NDST1: variants seen among roughly 807,000 people sequenced by gnomAD.
The protein encoded by NDST1 is N-deacetylase and N-sulfotransferase 1.
In NDST1, 35 loss-of-function variants were observed where a neutral mutation model predicts 92.8. The ratio of observed to expected loss-of-function variants is 0.38; its 90% CI spans 0.29 to 0.50. The LOEUF (loss-of-function observed/expected upper bound fraction) is 0.50, where lower values mean the gene tolerates loss of function less well. Among genes scored for constraint, NDST1 ranks in the 20% least tolerant of loss-of-function variants. NDST1 has a pLI of 0.94. For synonymous variants in NDST1, 493 were observed against 500.3 expected (o/e 0.99, Z 0.19); for missense variants, 822 against 1,182.7 (o/e 0.69, Z 4.47).
chr5:150,548,532 T>G (rs770183537), intron 12 of NDST1, 144 bp downstream of exon 12: 4 of 828,198 alleles, frequency 4.8e-6, no homozygotes, highest in Non-Finnish European at 5.6e-6. Flanking sequence ...ATAAAAAGAT[T>G]TTATTATTAT....
In NDST1 at chr5:150,552,189, C is replaced by T. The variant is rs113227226; in HGVS notation, c.2529+334C>T. 1.4e-4 allele frequency among the ~76,000 whole-genome samples: 21 copies of T among 152,122 alleles called. No homozygotes were observed. In the South Asian group the frequency reaches 1.5e-3, roughly 11 times the overall value. On this transcript the variant is annotated intron_variant, in intron 14 of 14. Coordinates refer to ENST00000261797, the MANE Select transcript of NDST1 (RefSeq NM_001543.5). ...AGTAGAATACAGGCAGAGAGTGCTG[C>T]GCGCAGTCAGAGAGGGCACACAAGT...
intron 11 of NDST1, among the ~76,000 whole-genome samples, chr5:150,545,741 CAA>C (rs1037614301): frequency 6.6e-6 from 1 of 152,222 alleles, no homozygotes; most frequent in African/African-American, 2.4e-5. Flanking sequence ...CTGACACTGA[CAA>C]GAGGTGGAGG....
chr5:150,540,185 G>A lies in NDST1; in HGVS notation c.1670G>A (p.Arg557Gln), dbSNP rs777533122. 3.1e-6 allele frequency: 5 copies of A among 1,614,178 alleles called. No homozygotes were observed. Among genetic ancestry groups the A allele is most frequent in the South Asian group, 1.1e-5 (1 of 91,084 alleles). ...TTCCTGCACTCCTGGACGAACCTCC[G>A]GCTGCAGACACTGCCCCCTGTGCAG... ...VRFLHSWTNL[R>Q]LQTLPPVQLA... Residue 557 changes from arginine (R) to glutamine (Q), a missense_variant, in exon 8 of 15, where the codon CGG (arginine) becomes CAG (glutamine). Coordinates refer to ENST00000261797, the MANE Select transcript of NDST1 (RefSeq NM_001543.5).
chr5:150,539,377 G>A, intron 7 of NDST1, 21 bp downstream of exon 7: 1 of 1,613,758 alleles, frequency 6.2e-7, no homozygotes, highest in Non-Finnish European at 8.5e-7. Context: ...CACAGCCCAT[G>A]GCTGCTGGTG....
chr5:150,553,299 T>G lies in NDST1; in HGVS notation c.2616T>G (p.Thr872=), dbSNP rs564391926. 3.3e-5 allele frequency: 53 copies of G among 1,613,626 alleles called. No individual in the cohort carries two copies. Among genetic ancestry groups the G allele is most frequent in the Non-Finnish European group, 4.5e-5 (53 of 1,179,752 alleles). ...LLYKMGQTLP[T]WLREDLQNTR Reference sequence around the variant, plus strand: ...ATAAGATGGGCCAGACACTTCCCACTTGGCTACGAGAGGACCTCCAGAACA... The same window carrying G: ...ATAAGATGGGCCAGACACTTCCCACGTGGCTACGAGAGGACCTCCAGAACA... Residue 872 remains threonine (T), a synonymous_variant, in exon 15 of 15, where the codon ACT becomes ACG. Transcript: ENST00000261797. The surrounding 1 kb of genome is among the most constrained non-coding windows in gnomAD (Gnocchi z 4.2).
chr5:150,529,210 A>AAGGAG (rs1754607337), intron 3 of NDST1, among the ~76,000 whole-genome samples: 1 of 151,894 alleles, frequency 6.6e-6, no homozygotes, highest in Non-Finnish European at 1.5e-5. Flanking sequence ...TGAGCAACAT[A>AAGGAG]AGGAGACCTT....
At chr5:150,523,164 G>C (rs928376359) in intron 2 of NDST1, among the ~76,000 whole-genome samples, 2 of 152,360 alleles carry the variant, frequency 1.3e-5, no homozygotes, top group Non-Finnish European at 2.9e-5. Flanking sequence ...AGAGCAACCA[G>C]TGAGATTTGT....
At position 150,553,605 on chromosome 5, in the gene NDST1, AG is replaced by A. The variant is rs1755808848; in HGVS notation, c.*276del. On this transcript the variant is annotated 3_prime_UTR_variant, in exon 15 of 15. Transcript: ENST00000261797. This position sits in a 1 kb window ranked among gnomAD's most constrained non-coding sequence, Gnocchi z 4.2. Reference sequence around the variant, plus strand: ...CCTGGGGAGGCCGCTTCCTGGTAGGAGGGAGTCCACGAGACTCTTTTCTGTC... The same window carrying A: ...CCTGGGGAGGCCGCTTCCTGGTAGGAGGAGTCCACGAGACTCTTTTCTGTC... 1 of 461,842 alleles carries A rather than the reference AG, an allele frequency of 2.2e-6. No individual in the cohort carries two copies. The highest frequency in any genetic ancestry group is 4.1e-6 in the Non-Finnish European group (1 of 246,344). 28.6% of individuals were successfully genotyped at this position (461,842 alleles called of 1,614,324 possible). A position where few individuals can be genotyped will look rare whatever the true frequency, so the allele number is the denominator to read the frequency against.
At chr5:150,550,369 T>C (rs111842092) in intron 13 of NDST1, 247 of 157,464 alleles carry the variant, frequency 1.6e-3, no homozygotes, top group African/African-American at 5.2e-3. Context: ...ATTACAGGCA[T>C]GAGGCACCGC....
At chr5:150,533,510 G>A (rs1051175981) in intron 4 of NDST1, among the ~76,000 whole-genome samples, 13 of 152,040 alleles carry the variant, frequency 8.6e-5, no homozygotes, top group African/African-American at 2.2e-4. Context: ...TGCTTGGTGC[G>A]CACTTTCCTT....
chr5:150,553,343 C>T lies in NDST1; in HGVS notation c.*11C>T. The T allele has an allele frequency of 6.2e-7, 1 of 1,612,054 alleles. No homozygotes were observed. The highest frequency in any genetic ancestry group is 1.1e-5 in the South Asian group (1 of 91,038). Reference sequence around the variant, plus strand: ...CAGAACACCAGGTAGCCGTGGCCACCACAGCCAGACTGAACGTTTGTGAAA... The same window carrying T: ...CAGAACACCAGGTAGCCGTGGCCACTACAGCCAGACTGAACGTTTGTGAAA... On this transcript the variant is annotated 3_prime_UTR_variant, in exon 15 of 15. Transcript: ENST00000261797. This position sits in a 1 kb window ranked among gnomAD's most constrained non-coding sequence, Gnocchi z 4.2.
At chr5:150,501,898 C>T (rs1404811382) in intron 1 of NDST1, among the ~76,000 whole-genome samples, 2 of 152,096 alleles carry the variant, frequency 1.3e-5, no homozygotes, top group African/African-American at 4.8e-5. Context: ...TGGTGAGGGG[C>T]AGTAGACTCC....
At chr5:150,529,390 CAAAAAAAAAA>C (rs11418788) in intron 3 of NDST1, among the ~76,000 whole-genome samples, 1 of 65,172 alleles carries the variant, frequency 1.5e-5, no homozygotes, top group African/African-American at 5.9e-5. Context: ...GACCCTGTCT[CAAAAAAAAAA>C]AAAAAAAAAA....
chr5:150,519,435 T>C (rs2151267022), intron 1 of NDST1, among the ~76,000 whole-genome samples: 1 of 152,066 alleles, frequency 6.6e-6, no homozygotes, highest in East Asian at 1.9e-4. Context: ...GGGCCAGGCG[T>C]GGTGGTTCAT....
rs2151307972 is a variant in NDST1, at chr5:150,553,699, C to T, written c.*367C>T. On this transcript the variant is annotated 3_prime_UTR_variant, in exon 15 of 15. Coordinates refer to ENST00000261797, the MANE Select transcript of NDST1 (RefSeq NM_001543.5). This position sits in a 1 kb window ranked among gnomAD's most constrained non-coding sequence, Gnocchi z 4.2. ...CTCCCTGCTTCCGCAGGGCGCCCCTCAGTATTCGCTGCCATATGTCCCTGT... is the reference window on the plus strand; with the variant it reads ...CTCCCTGCTTCCGCAGGGCGCCCCTTAGTATTCGCTGCCATATGTCCCTGT... 2.4e-6 allele frequency: 1 copy of T among 415,010 alleles called. No homozygotes were observed. Among genetic ancestry groups the T allele is most frequent in the South Asian group, 2.1e-5 (1 of 47,080 alleles). 25.7% of individuals were successfully genotyped at this position (415,010 alleles called of 1,614,324 possible). A position where few individuals can be genotyped will look rare whatever the true frequency, so the allele number is the denominator to read the frequency against.
intron 3 of NDST1, 24 bp downstream of exon 3, chr5:150,528,322 G>C (rs1476691704): frequency 6.4e-7 from 1 of 1,562,148 alleles, no homozygotes. Context: ...TGCTAGACCG[G>C]GCAAGGCAGG....
At chr5:150,511,330 G>C (rs1037746060) in intron 1 of NDST1, among the ~76,000 whole-genome samples, 2 of 152,226 alleles carry the variant, frequency 1.3e-5, no homozygotes, top group Non-Finnish European at 2.9e-5. Context: ...AGCTTTCAGT[G>C]AAGTTGGGAG....
chr5:150,543,024 C>T, intron 10 of NDST1, 53 bp downstream of exon 10: 1 of 1,611,552 alleles, frequency 6.2e-7, no homozygotes, highest in South Asian at 1.1e-5. Context: ...CTGGGGCCTC[C>T]CAGGAGTCTG....
rs1754915124 is a variant in NDST1 at position 150,534,871 on chromosome 5, C to A, written c.1101C>A (p.Thr367=). Reference sequence around the variant, plus strand: ...GAGCTGCCTGTGTTGCTGCAGGTACCAATGCTGAGGACGCTGGGGATGATC... The same window carrying A: ...GAGCTGCCTGTGTTGCTGCAGGTACAAATGCTGAGGACGCTGGGGATGATC... The part of the protein sequence containing the change: ...GYSGKFFHTG[T]NAEDAGDDLL... Residue 367 remains threonine (T), a synonymous_variant, in exon 5 of 15, where the codon ACC becomes ACA. Transcript: ENST00000261797. 6.2e-7 allele frequency: 1 copy of A among 1,614,272 alleles called. No homozygotes were observed. The highest frequency in any genetic ancestry group is 2.2e-5 in the East Asian group (1 of 44,888).
Sources: allele counts gnomAD v4.1 joint callset (sites outside exome capture counted in the v4.1 genomes callset), GRCh38; gene constraint gnomAD v4.1.1; non-coding constraint Gnocchi (gnomAD v3.1); transcripts MANE v1.5; gene names NCBI Gene and HGNC (gene_info 2026-07-23, HGNC 2026-07-21).